Variants in AFG2A observed in about 807,000 individuals in gnomAD.
AFG2A encodes the protein AAA ATPase AFG2A.
the AFG2A span, among the ~76,000 whole-genome samples, chr4:122,979,666 G>T: frequency 6.6e-6 from 1 of 152,144 alleles, no homozygotes; most frequent in Admixed American, 6.5e-5. Context: ...ACTTTGGGAG[G>T]CTGAGGTGGG....
chr4:123,115,874 G>A, the AFG2A span, among the ~76,000 whole-genome samples: 2 of 152,184 alleles, frequency 1.3e-5, no homozygotes, highest in Non-Finnish European at 2.9e-5. Flanking sequence ...GGATGGACTA[G>A]CAGCTTAAGA....
the AFG2A span, among the ~76,000 whole-genome samples, chr4:123,055,776 A>G: frequency 6.6e-6 from 1 of 152,180 alleles, no homozygotes; most frequent in South Asian, 2.1e-4. Context: ...TGTATGAGGA[A>G]CTGTGTCAGA....
chr4:123,026,952 G>C, the AFG2A span, among the ~76,000 whole-genome samples: 1 of 152,078 alleles, frequency 6.6e-6, no homozygotes. Flanking sequence ...GTCCGAGTCT[G>C]AATCCTGAAT....
the AFG2A span, among the ~76,000 whole-genome samples, chr4:123,019,582 A>C: frequency 6.6e-6 from 1 of 152,208 alleles, no homozygotes; most frequent in Non-Finnish European, 1.5e-5. Context: ...CTATTTTTAT[A>C]TTCTAAAAAC....
the AFG2A span, among the ~76,000 whole-genome samples, chr4:123,017,048 C>T: frequency 1.3e-5 from 2 of 150,780 alleles, no homozygotes; most frequent in African/African-American, 4.9e-5. Flanking sequence ...GGCAGGGAGG[C>T]TGCAGTGAGC....
chr4:123,307,347 T>C, the AFG2A span, among the ~76,000 whole-genome samples: 8 of 152,134 alleles, frequency 5.3e-5, no homozygotes, highest in Non-Finnish European at 1.0e-4. Flanking sequence ...GTGATGAGCT[T>C]TGTGGTGGTC....
the AFG2A span, among the ~76,000 whole-genome samples, chr4:123,046,583 CA>C: frequency 0.094 from 14,277 of 152,168 alleles, 862 homozygotes; most frequent in Middle Eastern, 0.21. Context: ...ATGTACTGAT[CA>C]AATTGGGATA....
chr4:123,310,720 C>T, the AFG2A span, among the ~76,000 whole-genome samples: 12 of 152,134 alleles, frequency 7.9e-5, no homozygotes, highest in Non-Finnish European at 1.6e-4. Context: ...TGTTGATTGA[C>T]GAAAGAATGA....
chr4:123,110,055 A>G, the AFG2A span, among the ~76,000 whole-genome samples: 2 of 152,048 alleles, frequency 1.3e-5, no homozygotes, highest in African/African-American at 2.4e-5. Flanking sequence ...AGCTACATGT[A>G]GTTTTTTCTT....
At chr4:123,009,629 ATTTCT>A in the AFG2A span, among the ~76,000 whole-genome samples, 1 of 151,960 alleles carries the variant, frequency 6.6e-6, no homozygotes, top group Non-Finnish European at 1.5e-5. Flanking sequence ...GGCTGTGACA[ATTTCT>A]TTTCTTATTT....
the AFG2A span, among the ~76,000 whole-genome samples, chr4:123,090,262 C>G: frequency 1.3e-5 from 2 of 152,126 alleles, no homozygotes; most frequent in Non-Finnish European, 2.9e-5. Flanking sequence ...ATTGATTGAA[C>G]AATTCTCTAT....
the AFG2A span, among the ~76,000 whole-genome samples, chr4:123,130,883 GC>G: frequency 1.3e-5 from 2 of 151,898 alleles, no homozygotes; most frequent in Non-Finnish European, 2.9e-5. Flanking sequence ...CAATATATGA[GC>G]ATTCCAGGTG....
At chr4:123,154,662 A>C in the AFG2A span, among the ~76,000 whole-genome samples, 1 of 152,216 alleles carries the variant, frequency 6.6e-6, no homozygotes, top group South Asian at 2.1e-4. Context: ...CACAGCACTT[A>C]AATTTCTTTG....
chr4:123,033,934 T>C, the AFG2A span, among the ~76,000 whole-genome samples: 1 of 152,062 alleles, frequency 6.6e-6, no homozygotes, highest in East Asian at 1.9e-4. Flanking sequence ...TTCCAAAGAA[T>C]TTAATATCAA....
At chr4:123,178,394 A>AT in the AFG2A span, among the ~76,000 whole-genome samples, 1 of 152,184 alleles carries the variant, frequency 6.6e-6, no homozygotes, top group Non-Finnish European at 1.5e-5. Flanking sequence ...TTCCTTGTCT[A>AT]TTAGGAACTG....
At chr4:123,000,095 GCTCT>G in the AFG2A span, among the ~76,000 whole-genome samples, 4 of 149,268 alleles carry the variant, frequency 2.7e-5, no homozygotes, top group African/African-American at 7.4e-5. Context: ...TCATGATTTG[GCTCT>G]CTGTTTGTCT....
chr4:123,002,006 T>C, the AFG2A span, among the ~76,000 whole-genome samples: 1 of 152,212 alleles, frequency 6.6e-6, no homozygotes, highest in Non-Finnish European at 1.5e-5. Flanking sequence ...GGTTCATATA[T>C]ATTTAGGATA....
the AFG2A span, among the ~76,000 whole-genome samples, chr4:123,228,472 T>G: frequency 1.3e-4 from 20 of 151,872 alleles, no homozygotes; most frequent in African/African-American, 4.8e-4. Context: ...TAATTCTTAT[T>G]CCCTATAGAA....
chr4:123,078,136 A>T, the AFG2A span, among the ~76,000 whole-genome samples: 3 of 148,240 alleles, frequency 2.0e-5, no homozygotes, highest in South Asian at 4.8e-4. Flanking sequence ...CTTTTCTGCT[A>T]GATTGTTCCT....
Sources: allele counts gnomAD v4.1 joint callset (sites outside exome capture counted in the v4.1 genomes callset), GRCh38; gene constraint gnomAD v4.1.1; transcripts MANE v1.5; gene names NCBI Gene and HGNC (gene_info 2026-07-23, HGNC 2026-07-21).